Variants in GPHN observed in about 807,000 individuals in gnomAD.
GPHN encodes the protein gephyrin.
GPHN carries 17 observed loss-of-function variants against 95.5 expected under a neutral mutation model. The observed-to-expected ratio is 0.18, with a 90% CI of 0.12 to 0.27. The LOEUF is 0.27. GPHN is among the 10% of genes least tolerant of loss of function. The probability of loss-of-function intolerance (pLI) is 1.00; values close to 1 mark genes in which losing one functional copy is unlikely to be tolerated. For missense variants in GPHN, 660 were observed against 978.1 expected, an observed-to-expected ratio of 0.67 and a Z score of 4.34; for synonymous variants, 320 against 322.5, an observed-to-expected ratio of 0.99 and a Z score of 0.08.
intron 2 of GPHN, among the ~76,000 whole-genome samples, chr14:66,762,723 T>G (rs1381917117): frequency 1.3e-5 from 2 of 152,110 alleles, no homozygotes; most frequent in Non-Finnish European, 2.9e-5. Context: ...AAATGCTCAG[T>G]AGATTCTAAT....
chr14:67,394,920 G>A, the GPHN span, among the ~76,000 whole-genome samples: 1 of 152,142 alleles, frequency 6.6e-6, no homozygotes, highest in Non-Finnish European at 1.5e-5. Flanking sequence ...GTGATGCCCT[G>A]CACTGCCTCA....
intron 2 of GPHN, among the ~76,000 whole-genome samples, chr14:66,729,675 T>A (rs1433439376): frequency 6.6e-6 from 1 of 152,206 alleles, no homozygotes; most frequent in East Asian, 1.9e-4. Flanking sequence ...TGTATATATA[T>A]TAACTTGATA....
chr14:66,950,647 C>T (rs943741935), intron 8 of GPHN, among the ~76,000 whole-genome samples: 1 of 151,996 alleles, frequency 6.6e-6, no homozygotes, highest in Non-Finnish European at 1.5e-5. Flanking sequence ...GTATGTTGGC[C>T]ACTTATTTTC....
At chr14:66,519,683 C>A (rs1474248768) in intron 1 of GPHN, among the ~76,000 whole-genome samples, 1 of 152,072 alleles carries the variant, frequency 6.6e-6, no homozygotes, top group African/African-American at 2.4e-5. Context: ...GTGATTCTTG[C>A]TCATACATAG....
chr14:67,001,161 T>C (rs1490389795), intron 9 of GPHN, among the ~76,000 whole-genome samples: 2 of 151,578 alleles, frequency 1.3e-5, no homozygotes, highest in Admixed American at 1.3e-4. Flanking sequence ...AAAGGAGATA[T>C]GTATATCCTC....
At chr14:66,714,210 C>T (rs950521093) in intron 2 of GPHN, among the ~76,000 whole-genome samples, 3 of 152,144 alleles carry the variant, frequency 2.0e-5, no homozygotes, top group African/African-American at 7.2e-5. Context: ...CTTTCACCTC[C>T]TTGGTTAGGT....
chr14:66,760,933 C>A, intron 2 of GPHN: 2 of 923,676 alleles, frequency 2.2e-6, no homozygotes, highest in South Asian at 1.3e-5. Flanking sequence ...CTTATCCGAG[C>A]CTCTTTTGCA....
At chr14:66,801,201 C>T (rs2060335546) in intron 3 of GPHN, among the ~76,000 whole-genome samples, 1 of 151,998 alleles carries the variant, frequency 6.6e-6, no homozygotes, top group African/African-American at 2.4e-5. Flanking sequence ...GACCCTGGTG[C>T]CTTATTTAGT....
chr14:67,575,333 C>T, the GPHN span: 5 of 1,042,024 alleles, frequency 4.8e-6, no homozygotes, highest in African/African-American at 6.3e-5. Context: ...TTTGCCAGTC[C>T]TGGATTTACT....
chr14:66,591,674 A>G (rs2061654877), intron 1 of GPHN, among the ~76,000 whole-genome samples: 1 of 152,168 alleles, frequency 6.6e-6, no homozygotes, highest in Non-Finnish European at 1.5e-5. Context: ...AGAAATGGAA[A>G]AACATTCCAA....
intron 10 of GPHN, among the ~76,000 whole-genome samples, chr14:67,044,733 C>A (rs2074904712): frequency 8.0e-6 from 1 of 125,212 alleles, no homozygotes; most frequent in Non-Finnish European, 1.5e-5. Context: ...TTCTTGAGTA[C>A]CCCCTTCCTC....
the GPHN span, chr14:67,323,839 T>C: frequency 8.4e-7 from 1 of 1,190,278 alleles, no homozygotes; most frequent in East Asian, 2.6e-5. Context: ...ATTGTACTAT[T>C]CCATTGAAGG....
intron 18 of GPHN, among the ~76,000 whole-genome samples, chr14:67,158,603 C>CA (rs2081766336): frequency 6.6e-6 from 1 of 151,884 alleles, no homozygotes. Context: ...ATTAGTAAAC[C>CA]AAAAAATTTA....
chr14:67,092,319 G>A (rs774029856), intron 12 of GPHN, among the ~76,000 whole-genome samples: 12 of 151,952 alleles, frequency 7.9e-5, no homozygotes, highest in Non-Finnish European at 1.6e-4. Flanking sequence ...ATATCCTTGA[G>A]GCCAATTATT....
At chr14:67,272,279 A>T in the GPHN span, among the ~76,000 whole-genome samples, 310 of 152,292 alleles carry the variant, frequency 2.0e-3, no homozygotes, top group African/African-American at 7.0e-3. Context: ...TTTTAGTTCA[A>T]CGAGCCTTAT....
intron 9 of GPHN, among the ~76,000 whole-genome samples, chr14:66,968,600 A>G (rs1203738356): frequency 1.3e-5 from 2 of 152,142 alleles, no homozygotes; most frequent in Admixed American, 1.3e-4. Context: ...ACTTGACTTG[A>G]TAATAGAAGA....
At chr14:67,266,847 T>G in the GPHN span, among the ~76,000 whole-genome samples, 2 of 152,074 alleles carry the variant, frequency 1.3e-5, no homozygotes, top group East Asian at 1.9e-4. Context: ...CAGTGGCTCA[T>G]GCCTGTAATC....
intron 1 of GPHN, among the ~76,000 whole-genome samples, chr14:66,545,862 GC>G (rs1335894143): frequency 2.6e-5 from 4 of 150,960 alleles, no homozygotes; most frequent in African/African-American, 7.3e-5. Flanking sequence ...CAGGCGGGGG[GC>G]TGACCCCCCC....
chr14:67,089,148 T>TTTTTTTTTTTTTTTTTTA, intron 12 of GPHN, 73 bp downstream of exon 12: 1 of 521,298 alleles, frequency 1.9e-6, no homozygotes, highest in Non-Finnish European at 3.5e-6. Context: ...TTTTTTTTTT[T>TTTTTTTTTTTTTTTTTTA]TTTTTTTTTT....
Sources: gnomAD v4.1 joint callset for allele counts (sites outside exome capture counted in the v4.1 genomes callset) on GRCh38, gnomAD v4.1.1 for gene constraint, MANE v1.5 for transcripts, NCBI Gene and HGNC (gene_info 2026-07-23, HGNC 2026-07-21) for gene names.